CACNA1E: variants seen among roughly 807,000 people sequenced by gnomAD.
CACNA1E encodes the protein calcium voltage-gated channel subunit alpha1 E, also known as voltage-dependent R-type calcium channel subunit alpha-1E.
In CACNA1E, 40 loss-of-function variants were observed where a neutral mutation model predicts 259.2. The ratio of observed to expected loss-of-function variants is 0.15; its 90% CI spans 0.12 to 0.20. The LOEUF (loss-of-function observed/expected upper bound fraction) is 0.20. Ranked by LOEUF, CACNA1E falls within the 10% of genes least tolerant of loss-of-function variation. CACNA1E has a pLI of 1.00. For missense variants in CACNA1E, 1,874 were observed against 3,040.1 expected (o/e 0.62, Z 9.02); for synonymous variants, 1,104 against 1,138.5 (o/e 0.97, Z 0.61).
intron 1 of CACNA1E, among the ~76,000 whole-genome samples, chr1:181,398,015 C>T (rs1056932393): frequency 6.6e-6 from 1 of 152,220 alleles, no homozygotes; most frequent in African/African-American, 2.4e-5. Flanking sequence ...CAAATGTCAC[C>T]TTATTAAGCT....
chr1:181,702,313 C>G (rs1652350306), intron 7 of CACNA1E, among the ~76,000 whole-genome samples: 1 of 152,098 alleles, frequency 6.6e-6, no homozygotes, highest in African/African-American at 2.4e-5. Flanking sequence ...CACAGTCTAT[C>G]CAGAGCCCCA....
intron 26 of CACNA1E, among the ~76,000 whole-genome samples, chr1:181,750,992 G>C (rs1338243374): frequency 1.3e-5 from 2 of 152,066 alleles, no homozygotes; most frequent in African/African-American, 4.8e-5. Context: ...GTGGGGTAGG[G>C]GGGTAGGTAT....
chr1:181,363,506 A>G (rs1430078950), intron 1 of CACNA1E, among the ~76,000 whole-genome samples: 1 of 152,204 alleles, frequency 6.6e-6, no homozygotes, highest in Non-Finnish European at 1.5e-5. Flanking sequence ...AGACAGAGGT[A>G]AGGGACTAGA....
chr1:181,684,251 C>A (rs1650286156), intron 7 of CACNA1E, among the ~76,000 whole-genome samples: 1 of 152,058 alleles, frequency 6.6e-6, no homozygotes, highest in South Asian at 2.1e-4. Flanking sequence ...AACATTTTTT[C>A]ATATGCTTTG....
intron 3 of CACNA1E, among the ~76,000 whole-genome samples, chr1:181,514,534 C>G (rs542613439): frequency 2.0e-5 from 3 of 152,180 alleles, no homozygotes; most frequent in African/African-American, 7.2e-5. Context: ...CCTGGTGTCC[C>G]CCTTTGTCTT....
intron 2 of CACNA1E, among the ~76,000 whole-genome samples, chr1:181,440,972 C>T (rs1019997366): frequency 1.8e-5 from 2 of 109,890 alleles, no homozygotes; most frequent in African/African-American, 3.6e-5. Flanking sequence ...GAGAGCGAGA[C>T]GACCTTGTTT....
At chr1:181,794,497 C>A (rs568236721) in intron 45 of CACNA1E, among the ~76,000 whole-genome samples, 90 of 152,218 alleles carry the variant, frequency 5.9e-4, no homozygotes, top group African/African-American at 2.1e-3. Flanking sequence ...GCCTCTTAGA[C>A]AATTGCCCTC....
chr1:181,635,369 C>G (rs1421788242), intron 6 of CACNA1E, among the ~76,000 whole-genome samples: 1 of 152,134 alleles, frequency 6.6e-6, no homozygotes, highest in African/African-American at 2.4e-5. Flanking sequence ...GTGAATCAAT[C>G]TCCTTGTCAC....
At chr1:181,743,172 G>T (rs1239481500) in intron 25 of CACNA1E, among the ~76,000 whole-genome samples, 3 of 152,162 alleles carry the variant, frequency 2.0e-5, no homozygotes, top group Non-Finnish European at 4.4e-5. Context: ...GACAACACCC[G>T]CTTTCTGGGC....
intron 2 of CACNA1E, among the ~76,000 whole-genome samples, chr1:181,436,132 A>T (rs185712504): frequency 6.4e-4 from 98 of 152,366 alleles, no homozygotes; most frequent in African/African-American, 2.1e-3. Flanking sequence ...CAACATCACT[A>T]ATCATCAGGG....
intron 22 of CACNA1E, 44 bp downstream of exon 22, chr1:181,736,478 C>T (rs771069904): frequency 2.2e-5 from 35 of 1,564,704 alleles, no homozygotes; most frequent in South Asian, 1.7e-4. Context: ...CTAGGGTAAA[C>T]GGCCAGGTGT....
intron 2 of CACNA1E, among the ~76,000 whole-genome samples, chr1:181,435,662 T>G (rs895363583): frequency 6.6e-5 from 10 of 152,338 alleles, no homozygotes; most frequent in African/African-American, 2.4e-4. Flanking sequence ...GTCTGCCACA[T>G]AGTAGGCTCC....
upstream of CACNA1E, among the ~76,000 whole-genome samples, chr1:181,480,704 C>T (rs1663175107): frequency 6.6e-6 from 1 of 152,172 alleles, no homozygotes; most frequent in Non-Finnish European, 1.5e-5. Flanking sequence ...ATGCCGCCAG[C>T]CTGCTGAGGC....
At chr1:181,320,181 A>C (rs1650229906) in intron 1 of CACNA1E, among the ~76,000 whole-genome samples, 1 of 151,936 alleles carries the variant, frequency 6.6e-6, no homozygotes, top group South Asian at 2.1e-4. Flanking sequence ...CAGCGCCTCC[A>C]CTCCTTGAAG....
At chr1:181,476,627 T>C (rs1662870129) in intron 2 of CACNA1E, among the ~76,000 whole-genome samples, 1 of 152,202 alleles carries the variant, frequency 6.6e-6, no homozygotes. Context: ...CCTGACATGA[T>C]ACCTGACACG....
In CACNA1E at chr1:181,415,996, A is replaced by T. The variant is rs539113312; in HGVS notation, c.434+2416A>T. Among the ~76,000 whole-genome samples the T allele has an allele frequency of 1.7e-3, 264 of 152,314 alleles. 2 individuals carry two copies. Among genetic ancestry groups the T allele is most frequent in the Middle Eastern group, 6.8e-3 (2 of 294 alleles). On this transcript the variant is annotated intron_variant, in intron 2 of 11. Coordinates refer to the CACNA1E transcript ENST00000524607. ...TTATTGCATGTCAATTCACAAAGAG[A>T]CGGGATGTCAAGCCCAAATCTGTCT...
chr1:181,608,591 G>A (rs868267492), intron 6 of CACNA1E, among the ~76,000 whole-genome samples: 21 of 152,110 alleles, frequency 1.4e-4, no homozygotes, highest in African/African-American at 4.8e-4. Flanking sequence ...AATGGAGAGC[G>A]CTGGGTGAAC....
intron 8 of CACNA1E, among the ~76,000 whole-genome samples, chr1:181,711,442 T>A (rs751986527): frequency 1.3e-5 from 2 of 152,264 alleles, no homozygotes; most frequent in Non-Finnish European, 1.5e-5. Context: ...GACCCTGTTC[T>A]AAGCACTTGG....
chr1:181,355,316 G>A (rs948804283), intron 1 of CACNA1E, among the ~76,000 whole-genome samples: 1 of 152,208 alleles, frequency 6.6e-6, no homozygotes, highest in Admixed American at 6.5e-5. Context: ...GGCCGGGCAT[G>A]GTGGCTCATG....
Sources: allele counts gnomAD v4.1 joint callset (sites outside exome capture counted in the v4.1 genomes callset), GRCh38; gene constraint gnomAD v4.1.1; transcripts MANE v1.5; gene names NCBI Gene and HGNC (gene_info 2026-07-23, HGNC 2026-07-21).